The following VPS50 variants were observed in gnomAD, a reference collection of about 807,000 sequenced individuals.
VPS50 encodes the protein syndetin.
VPS50 carries 70 observed loss-of-function variants against 139.7 expected under a neutral mutation model. The observed-to-expected ratio is 0.50, with a 90% CI of 0.41 to 0.61. The LOEUF is 0.61. VPS50 is among the 20% of genes least tolerant of loss of function. The pLI is 0.00. For missense variants in VPS50, 921 were observed against 1,133.7 expected, an observed-to-expected ratio of 0.81 and a Z score of 2.69; for synonymous variants, 365 against 376.7, an observed-to-expected ratio of 0.97 and a Z score of 0.36.
At chr7:93,302,189 G>A (rs1796995668) in intron 16 of VPS50, among the ~76,000 whole-genome samples, 1 of 152,070 alleles carries the variant, frequency 6.6e-6, no homozygotes, top group South Asian at 2.1e-4. Context: ...GGTAATTTTT[G>A]TATGTGGTAT....
intron 12 of VPS50, among the ~76,000 whole-genome samples, chr7:93,283,689 C>T (rs1277369310): frequency 6.6e-6 from 1 of 152,038 alleles, no homozygotes; most frequent in African/African-American, 2.4e-5. Context: ...CATAAAGTAT[C>T]CAAGGAGTCA....
At chr7:93,355,120 A>T (rs10239017) in intron 26 of VPS50, among the ~76,000 whole-genome samples, 24,204 of 92,946 alleles carry the variant, frequency 0.26, 2,312 homozygotes, top group East Asian at 0.36. Flanking sequence ...ACTCTTTTTT[A>T]AAAAAAAAAA....
intron 20 of VPS50, among the ~76,000 whole-genome samples, chr7:93,313,219 G>T (rs1797322992): frequency 6.6e-6 from 1 of 152,156 alleles, no homozygotes; most frequent in Admixed American, 6.5e-5. Flanking sequence ...AGCAAGTCAG[G>T]CTTGGCAAAG....
chr7:93,276,191 C>G lies in VPS50; in HGVS notation c.828C>G (p.His276Gln). 6.2e-7 allele frequency: 1 copy of G among 1,613,082 alleles called. No homozygotes were observed. Residue 276 changes from histidine to glutamine, a missense_variant, in exon 12 of 28, where the codon CAC (histidine) becomes CAG (glutamine). Transcript: ENST00000305866. ...CAGCAATGGATCAACTTCATATGCA[C>G]TTCACCCAAGCCATTCACAACACCG... ...TQTAMDQLHM[H>Q]FTQAIHNTVF...
intron 25 of VPS50, among the ~76,000 whole-genome samples, 190 bp from the exon 26 acceptor site, chr7:93,353,450 A>G (rs970489305): frequency 6.6e-6 from 1 of 152,228 alleles, no homozygotes; most frequent in African/African-American, 2.4e-5. Context: ...AACATAATCT[A>G]TTTAAACTAG....
At chr7:93,264,676 A>T (rs1795786938) in intron 9 of VPS50, among the ~76,000 whole-genome samples, 1 of 152,230 alleles carries the variant, frequency 6.6e-6, no homozygotes, top group Admixed American at 6.5e-5. Flanking sequence ...GAATGTCTTT[A>T]CGTCATATGG....
chr7:93,326,048 A>C (rs139587311), intron 21 of VPS50, among the ~76,000 whole-genome samples: 6,437 of 152,216 alleles, frequency 0.042, 169 homozygotes, highest in African/African-American at 0.067. Context: ...GAACCAAGCC[A>C]AATGTCCAAC....
chr7:93,333,175 A>C (rs989051363), intron 21 of VPS50, among the ~76,000 whole-genome samples: 5 of 152,196 alleles, frequency 3.3e-5, no homozygotes, highest in African/African-American at 7.2e-5. Context: ...AAATGTATTA[A>C]ATATTATAAA....
intron 1 of VPS50, among the ~76,000 whole-genome samples, chr7:93,237,043 C>T (rs1411804545): frequency 6.9e-6 from 1 of 145,278 alleles, no homozygotes; most frequent in East Asian, 2.1e-4. Context: ...CTCCGCCTCC[C>T]GGGTTCATGC....
intron 12 of VPS50, among the ~76,000 whole-genome samples, chr7:93,279,127 A>C (rs568620722): frequency 1.3e-5 from 2 of 152,318 alleles, no homozygotes; most frequent in African/African-American, 4.8e-5. Context: ...TAAAAAAATT[A>C]AAGAAGTTTA....
intron 11 of VPS50, 159 bp from the exon 12 acceptor site, chr7:93,276,006 T>A: frequency 1.6e-6 from 1 of 637,382 alleles, no homozygotes; most frequent in East Asian, 2.8e-5. Flanking sequence ...TTGCAAATAA[T>A]ATACCCAGTA....
At chr7:93,353,546 T>A in intron 25 of VPS50, 94 bp from the exon 26 acceptor site, 1 of 1,348,240 alleles carries the variant, frequency 7.4e-7, no homozygotes, top group Non-Finnish European at 1.0e-6. Flanking sequence ...TGATTCTGAG[T>A]CTTTCTAAAT....
At chr7:93,258,112 C>T in intron 6 of VPS50, 47 bp from the exon 7 acceptor site, 1 of 772,636 alleles carries the variant, frequency 1.3e-6, no homozygotes, top group African/African-American at 1.8e-5. Context: ...GGATAGTATT[C>T]TTATTATAAT....
chr7:93,344,351 A>G (rs529129370), intron 23 of VPS50, among the ~76,000 whole-genome samples: 33 of 152,316 alleles, frequency 2.2e-4, no homozygotes, highest in African/African-American at 7.5e-4. Context: ...GTGACCTACA[A>G]AGAGACTTAG....
intron 11 of VPS50, among the ~76,000 whole-genome samples, chr7:93,275,654 G>A (rs1177844667): frequency 6.6e-6 from 1 of 152,110 alleles, no homozygotes; most frequent in Admixed American, 6.6e-5. Flanking sequence ...AAAAAAATTT[G>A]CTTTGTGAGG....
chr7:93,332,990 A>C (rs1797978599), intron 21 of VPS50, among the ~76,000 whole-genome samples: 1 of 152,132 alleles, frequency 6.6e-6, no homozygotes, highest in African/African-American at 2.4e-5. Flanking sequence ...AGGTATGAGG[A>C]CATTTTTAAG....
chr7:93,336,706 T>C (rs1432365986), intron 22 of VPS50, among the ~76,000 whole-genome samples: 1 of 152,068 alleles, frequency 6.6e-6, no homozygotes, highest in African/African-American at 2.4e-5. Flanking sequence ...TAGAGACAGG[T>C]TTGCCATGTT....
intron 16 of VPS50, among the ~76,000 whole-genome samples, chr7:93,298,135 A>G (rs912101181): frequency 6.6e-5 from 10 of 152,162 alleles, no homozygotes; most frequent in African/African-American, 2.4e-4. Flanking sequence ...TTTGAATACA[A>G]GTTATCTCTG....
At chr7:93,343,483 T>A (rs1200451472) in intron 23 of VPS50, among the ~76,000 whole-genome samples, 1 of 151,858 alleles carries the variant, frequency 6.6e-6, no homozygotes. Flanking sequence ...ATACAGAGAA[T>A]GCCACAAAGA....
Sources: gnomAD v4.1 joint callset for allele counts (sites outside exome capture counted in the v4.1 genomes callset) on GRCh38, gnomAD v4.1.1 for gene constraint, MANE v1.5 for transcripts, NCBI Gene and HGNC (gene_info 2026-07-23, HGNC 2026-07-21) for gene names.